CSMD1: variants seen among roughly 807,000 people sequenced by gnomAD.
CSMD1 encodes CUB and sushi domain-containing protein 1.
A neutral mutation model predicts 417.5 loss-of-function variants in CSMD1; 213 were observed. The ratio of observed to expected loss-of-function variants is 0.51; its 90% CI spans 0.46 to 0.57. The LOEUF (loss-of-function observed/expected upper bound fraction) is 0.57. Among genes scored for constraint, CSMD1 ranks in the 20% least tolerant of loss-of-function variants. The probability of loss-of-function intolerance (pLI) is 0.00; values close to 1 mark genes in which losing one functional copy is unlikely to be tolerated. For missense variants in CSMD1, 6,923 were observed against 4,529.7 expected, an observed-to-expected ratio of 1.53 and a Z score of -15.17; for synonymous variants, 2,862 against 1,736.8, an observed-to-expected ratio of 1.65 and a Z score of -16.11.
intron 1 of CSMD1, among the ~76,000 whole-genome samples, chr8:4,925,383 A>G (rs1416275032): frequency 6.6e-6 from 1 of 151,776 alleles, no homozygotes. Context: ...TTTAGCAGTT[A>G]AATACATGGC....
rs143753733 is a variant in CSMD1, at chr8:4,650,876, G to C, written c.86-13318C>G. On this transcript the variant is annotated intron_variant, in intron 1 of 69. Transcript: ENST00000635120. ...AGCTAGTTGCCTAGATAAAGTATGT[G>C]AACAGAAGTGTTGATCTATTTAGCA... is the stretch of plus-strand genomic sequence containing the variant. 2.9e-3 allele frequency among the ~76,000 whole-genome samples: 446 copies of C among 152,312 alleles called. 3 individuals carry two copies. The highest frequency in any genetic ancestry group is 0.01 in the African/African-American group (426 of 41,570).
intron 1 of CSMD1, among the ~76,000 whole-genome samples, chr8:4,920,692 G>C (rs1408135886): frequency 6.6e-6 from 1 of 151,738 alleles, no homozygotes; most frequent in African/African-American, 2.4e-5. Context: ...CGTGGGTGGT[G>C]CATGTCTGCA....
chr8:4,965,066 G>A (rs1411869434), intron 1 of CSMD1, among the ~76,000 whole-genome samples: 1 of 152,116 alleles, frequency 6.6e-6, no homozygotes, highest in African/African-American at 2.4e-5. Context: ...ATATTTCAAA[G>A]CCTCTCAAAA....
At chr8:4,314,646 A>T (rs988797228) in intron 3 of CSMD1, among the ~76,000 whole-genome samples, 2 of 152,014 alleles carry the variant, frequency 1.3e-5, no homozygotes, top group African/African-American at 4.8e-5. Context: ...GTAATGTACT[A>T]TTACATTACC....
intron 1 of CSMD1, among the ~76,000 whole-genome samples, chr8:4,991,760 G>C (rs1254614034): frequency 6.6e-6 from 1 of 152,196 alleles, no homozygotes; most frequent in African/African-American, 2.4e-5. Context: ...CGCCCCAATG[G>C]CCAGAGCGCA....
intron 12 of CSMD1, among the ~76,000 whole-genome samples, chr8:3,443,614 C>T (rs1448967958): frequency 6.6e-6 from 1 of 152,138 alleles, no homozygotes; most frequent in African/African-American, 2.4e-5. Flanking sequence ...TCAAATTATA[C>T]CTACCTTTGC....
At chr8:3,856,174 A>G (rs1340577047) in intron 5 of CSMD1, among the ~76,000 whole-genome samples, 2 of 151,988 alleles carry the variant, frequency 1.3e-5, no homozygotes, top group Non-Finnish European at 2.9e-5. Context: ...GTAATGGTTT[A>G]GCACCATCCT....
At chr8:3,116,776 A>G (rs1816897708) in intron 42 of CSMD1, among the ~76,000 whole-genome samples, 1 of 152,172 alleles carries the variant, frequency 6.6e-6, no homozygotes, top group South Asian at 2.1e-4. Flanking sequence ...ATCAAGCCAG[A>G]GTCTACCATT....
chr8:4,428,974 A>G (rs1455126419), intron 2 of CSMD1, among the ~76,000 whole-genome samples: 3 of 152,032 alleles, frequency 2.0e-5, no homozygotes, highest in Non-Finnish European at 2.9e-5. Flanking sequence ...TCATCCTCCC[A>G]AAGTGCTGGG....
chr8:4,215,917 C>G (rs530660249), intron 3 of CSMD1, among the ~76,000 whole-genome samples: 1 of 152,258 alleles, frequency 6.6e-6, no homozygotes, highest in African/African-American at 2.4e-5. Context: ...ACAAAGAGAA[C>G]GTGGATTCAT....
intron 12 of CSMD1, among the ~76,000 whole-genome samples, chr8:3,431,886 G>A (rs1031461181): frequency 6.6e-6 from 1 of 152,182 alleles, no homozygotes; most frequent in Non-Finnish European, 1.5e-5. Context: ...GATATCGGCT[G>A]CTCTTCTGCA....
chr8:4,282,834 A>T (rs1796861182), intron 3 of CSMD1, among the ~76,000 whole-genome samples: 1 of 152,180 alleles, frequency 6.6e-6, no homozygotes, highest in South Asian at 2.1e-4. Context: ...AACAAGCATC[A>T]TTCAGAATCT....
Position 4,011,713 on chromosome 8 carries a change from T to C in CSMD1, c.611-13603A>G, listed in dbSNP as rs1816550819. ...TAGAAAGTCACAAGAACTTGCAAAA[T>C]AGTACGGAGTTATCAGCATACTTTT... On this transcript the variant is annotated intron_variant, in intron 4 of 69. Transcript: ENST00000635120. Among the ~76,000 whole-genome samples the C allele has an allele frequency of 3.3e-5, 5 of 152,156 alleles. No homozygotes were observed. The South Asian group carries it at 1.0e-3, about 32-fold the overall frequency.
At chr8:4,968,065 T>A (rs1442192839) in intron 1 of CSMD1, among the ~76,000 whole-genome samples, 3 of 152,112 alleles carry the variant, frequency 2.0e-5, no homozygotes, top group African/African-American at 4.8e-5. Context: ...AGTTCTTAGG[T>A]TAGCTGAGAA....
chr8:3,115,021 C>G (rs1434537465), intron 42 of CSMD1, among the ~76,000 whole-genome samples: 1 of 151,978 alleles, frequency 6.6e-6, no homozygotes, highest in Non-Finnish European at 1.5e-5. Context: ...TATTTAATGC[C>G]TAAAATTATA....
intron 49 of CSMD1, among the ~76,000 whole-genome samples, chr8:3,058,705 C>A (rs1812397761): frequency 6.6e-6 from 1 of 151,790 alleles, no homozygotes; most frequent in Non-Finnish European, 1.5e-5. Context: ...AGATTTGAGA[C>A]TCTACTTTTC....
intron 5 of CSMD1, among the ~76,000 whole-genome samples, chr8:3,792,362 A>C (rs534077628): frequency 6.6e-6 from 1 of 152,228 alleles, no homozygotes; most frequent in Non-Finnish European, 1.5e-5. Flanking sequence ...CATGTACATT[A>C]TGATCATTAA....
chr8:4,359,609 A>T (rs1801635109), intron 3 of CSMD1, among the ~76,000 whole-genome samples: 2 of 152,342 alleles, frequency 1.3e-5, no homozygotes, highest in South Asian at 2.1e-4. Context: ...GAATTAACTC[A>T]AGAGTCAATG....
intron 12 of CSMD1, among the ~76,000 whole-genome samples, chr8:3,440,651 C>G (rs1275313699): frequency 6.6e-6 from 1 of 152,114 alleles, no homozygotes; most frequent in Non-Finnish European, 1.5e-5. Flanking sequence ...CTTATCCTTG[C>G]AATTTTGAAT....
Sources: gnomAD v4.1 joint callset for allele counts (sites outside exome capture counted in the v4.1 genomes callset) on GRCh38, gnomAD v4.1.1 for gene constraint, MANE v1.5 for transcripts, NCBI Gene and HGNC (gene_info 2026-07-23, HGNC 2026-07-21) for gene names.